Variants in KLC4 observed in about 807,000 individuals in gnomAD.
The protein encoded by KLC4 is kinesin light chain 4.
A neutral mutation model predicts 77.2 loss-of-function variants in KLC4; 49 were observed. The ratio of observed to expected loss-of-function variants is 0.63; its 90% CI spans 0.50 to 0.80. KLC4 has a LOEUF of 0.80. KLC4 is among the 30% of genes least tolerant of loss of function. The probability of loss-of-function intolerance (pLI) is 0.00; values close to 1 mark genes in which losing one functional copy is unlikely to be tolerated. For missense variants in KLC4, 669 were observed against 793.5 expected (o/e 0.84, Z 1.89); for synonymous variants, 274 against 314.5 (o/e 0.87, Z 1.36).
intron 10 of KLC4, 105 bp from the exon 11 acceptor site, chr6:43,071,747 A>T: frequency 6.8e-7 from 1 of 1,460,212 alleles, no homozygotes; most frequent in Non-Finnish European, 9.5e-7. Flanking sequence ...TGTCCTCCCC[A>T]GCCCAGCCTG....
At chr6:43,069,267 T>TG (rs2150356637) in intron 6 of KLC4, among the ~76,000 whole-genome samples, 1 of 152,146 alleles carries the variant, frequency 6.6e-6, no homozygotes, top group Non-Finnish European at 1.5e-5. Context: ...TTTTTTGAGA[T>TG]GGAGTTTCGC....
At chr6:43,061,212 C>A in intron 1 of KLC4, 99 bp from the exon 2 acceptor site, 3 of 1,287,804 alleles carry the variant, frequency 2.3e-6, no homozygotes, top group Non-Finnish European at 3.3e-6. Flanking sequence ...GTCACTCTTA[C>A]TTTTGTCCCT....
In KLC4 at chr6:43,062,524, G is replaced by A. The variant is rs552055204; in HGVS notation, c.259-393G>A. ...CTCCCAAAGTGCTGGGATTATAGGC[G>A]TGAGCCACTGTGCCTGGCCCTGATT... On this transcript the variant is annotated intron_variant, in intron 2 of 15. Transcript: ENST00000347162. The A allele has an allele frequency of 2.5e-4, 56 of 222,552 alleles. 1 individual carries two copies. Among genetic ancestry groups the A allele is most frequent in the African/African-American group, 1.1e-3 (46 of 43,542 alleles). The allele number at this position is 222,552 out of a possible 1,614,324, so 13.8% of individuals were successfully genotyped here.
Position 43,070,788 on chromosome 6 carries a change from T to C in KLC4, c.1078T>C (p.Tyr360His), listed in dbSNP as rs756050839. 3.1e-6 allele frequency: 5 copies of C among 1,613,964 alleles called. No individual in the cohort carries two copies. The highest frequency in any genetic ancestry group is 1.7e-5 in the Admixed American group (1 of 59,978). Residue 360 changes from tyrosine (Y) to histidine (H), a missense_variant, in exon 8 of 16, where the codon TAC (tyrosine) becomes CAC (histidine). By Grantham distance (83) the Tyr-to-His change is moderately conservative (BLOSUM62 2). Coordinates refer to ENST00000347162, the MANE Select transcript of KLC4 (RefSeq NM_201521.3). ...QGKYEAVERY[Y>H]QRALAIYEGQ... ...CAAGTATGAGGCCGTGGAACGCTAC[T>C]ACCAGCGAGCACTGGCCATCTACGA... is the stretch of plus-strand genomic sequence containing the variant.
chr6:43,067,074 C>T lies in KLC4; in HGVS notation c.870C>T (p.Asp290=). The T allele has an allele frequency of 6.2e-7, 1 of 1,614,122 alleles. No individual in the cohort carries two copies. The highest frequency in any genetic ancestry group is 8.5e-7 in the Non-Finnish European group (1 of 1,180,020). ...TCCGGGAGAGCACCTTGGGACCTGA[C>T]CATCCTGCTGTCAGTATTCCTTGCC... The part of the protein sequence containing the change: ...LSIRESTLGP[D]HPAVAATLNN... Residue 290 remains aspartate (D), a synonymous_variant, in exon 6 of 16, where the codon GAC becomes GAT. Transcript: ENST00000347162.
chr6:43,066,373 G>A lies in KLC4; in HGVS notation c.639G>A (p.Thr213=), dbSNP rs142183687. Residue 213 remains threonine (T), a synonymous_variant, in exon 5 of 16, where the codon ACG becomes ACA. Transcript: ENST00000347162. ...ATGAGATCCCAGCAAGGTTGCGGAC[G>A]TTGCACAACCTGGTGATCCAGTACG... ...GGYEIPARLR[T]LHNLVIQYAA... 183 of 1,614,070 alleles carry A rather than the reference G, an allele frequency of 1.1e-4. No homozygotes were observed. The highest frequency in any genetic ancestry group is 3.3e-4 in the Middle Eastern group (2 of 6,084).
chr6:43,071,996 T>A (rs1252692156), intron 11 of KLC4, 74 bp downstream of exon 11: 2 of 1,469,798 alleles, frequency 1.4e-6, no homozygotes, highest in Non-Finnish European at 1.9e-6. Flanking sequence ...CTCCCAGACC[T>A]TTTCCCTTCC....
intron 15 of KLC4, 82 bp downstream of exon 15, chr6:43,074,047 G>C: frequency 9.1e-7 from 1 of 1,099,944 alleles, no homozygotes; most frequent in Non-Finnish European, 1.3e-6. Flanking sequence ...TAAGGGAAGA[G>C]GGAAGGGAGA....
At chr6:43,065,177 C>T (rs1010026823) in intron 3 of KLC4, among the ~76,000 whole-genome samples, 2 of 152,030 alleles carry the variant, frequency 1.3e-5, no homozygotes, top group African/African-American at 2.4e-5. Context: ...CAGGTTCAAG[C>T]GATTCTCCTG....
Position 43,073,322 on chromosome 6 carries a change from G to C in KLC4, c.1729G>C (p.Glu577Gln). The C allele has an allele frequency of 6.2e-7, 1 of 1,613,116 alleles. No homozygotes were observed. Among genetic ancestry groups the C allele is most frequent in the Non-Finnish European group, 8.5e-7 (1 of 1,179,316 alleles). The change falls in exon 14 of 16, where the codon GAG (glutamate) becomes CAG (glutamine). Residue 577 changes from glutamate to glutamine, a missense_variant. Glu to Gln is a conservative substitution (Grantham distance 29). Coordinates refer to ENST00000347162, the MANE Select transcript of KLC4 (RefSeq NM_201521.3). ...CTTGGTGAGGAAGCTCCAGGGGACTGAGCCTCGGCCCTCCAGGTATACATG... is the reference window on the plus strand; with the variant it reads ...CTTGGTGAGGAAGCTCCAGGGGACTCAGCCTCGGCCCTCCAGGTATACATG... ...ELLVRKLQGTEPRPSSSNMKR... is the reference protein window; with the variant it reads ...ELLVRKLQGTQPRPSSSNMKR...
intron 2 of KLC4, 120 bp from the exon 3 acceptor site, chr6:43,062,797 C>G: frequency 1.4e-6 from 1 of 734,112 alleles, no homozygotes; most frequent in Non-Finnish European, 2.3e-6. Context: ...ACTGCTACAC[C>G]CCCACCTTCT....
chr6:43,061,238 C>A, intron 1 of KLC4, 73 bp from the exon 2 acceptor site: 1 of 1,487,724 alleles, frequency 6.7e-7, no homozygotes. Context: ...TGGATTCCCA[C>A]CACTCTCTGA....
At chr6:43,073,011 G>GCCA (rs1739026209) in intron 13 of KLC4, 47 bp downstream of exon 13, 2 of 1,542,524 alleles carry the variant, frequency 1.3e-6, no homozygotes, top group African/African-American at 2.7e-5. Flanking sequence ...ACTCCTGCTG[G>GCCA]TGGTGGTGAG....
At chr6:43,060,373 G>C in intron 1 of KLC4, 2 of 1,572,374 alleles carry the variant, frequency 1.3e-6, no homozygotes, top group Non-Finnish European at 1.7e-6. Flanking sequence ...GGAAGGAGAC[G>C]GGAATTGGGC....
At chr6:43,060,122 C>G (rs1177702068) in intron 1 of KLC4, 7 of 1,579,422 alleles carry the variant, frequency 4.4e-6, no homozygotes, top group Non-Finnish European at 6.0e-6. Context: ...ACCTCCCATT[C>G]TTTCCTGCAT....
rs1177440643 is a variant in KLC4 at position 43,071,320 on chromosome 6, C to G, written c.1201C>G (p.Leu401Val). 6.2e-7 allele frequency: 1 copy of G among 1,613,906 alleles called. No individual in the cohort carries two copies. The highest frequency in any genetic ancestry group is 1.7e-5 in the Admixed American group (1 of 59,998). Residue 401 changes from leucine (L) to valine (V), a missense_variant, in exon 9 of 16, where the codon CTA (leucine) becomes GTA (valine). Transcript: ENST00000347162. Reference protein sequence around the residue: ...KQGKYAEAETLYKEILTRAHV... With the variant: ...KQGKYAEAETVYKEILTRAHV... ...GGGCAAATATGCTGAGGCTGAGACA[C>G]TATACAAAGAGATCCTGACCCGTGC...
intron 6 of KLC4, among the ~76,000 whole-genome samples, chr6:43,069,904 T>A (rs1765634614): frequency 6.6e-6 from 1 of 152,174 alleles, no homozygotes; most frequent in Admixed American, 6.5e-5. Flanking sequence ...GTATGACATA[T>A]GATAGGCAGG....
chr6:43,068,487 T>G (rs1440016911), intron 6 of KLC4, among the ~76,000 whole-genome samples: 1 of 144,486 alleles, frequency 6.9e-6, no homozygotes, highest in African/African-American at 2.6e-5. Flanking sequence ...AAAAAGAAAA[T>G]AAATGACAGA....
chr6:43,072,051 TTTC>T (rs1381889864), intron 11 of KLC4, 93 bp from the exon 12 acceptor site: 1 of 1,399,272 alleles, frequency 7.1e-7, no homozygotes, highest in Non-Finnish European at 1.0e-6. Flanking sequence ...CCTCTCCTAT[TTTC>T]TTATTTTTTT....
Sources: gnomAD v4.1 joint callset for allele counts (sites outside exome capture counted in the v4.1 genomes callset) on GRCh38, gnomAD v4.1.1 for gene constraint, MANE v1.5 for transcripts, NCBI Gene and HGNC (gene_info 2026-07-23, HGNC 2026-07-21) for gene names.